The following ZNF100 variants were observed in gnomAD, a reference collection of about 807,000 sequenced individuals.
ZNF100 encodes zinc finger protein 100, also known as zinc finger protein 100 (Y1).
A neutral mutation model predicts 15.8 loss-of-function variants in ZNF100; 12 were observed. The observed-to-expected ratio is 0.76, with a 90% CI of 0.49 to 1.23. The LOEUF (loss-of-function observed/expected upper bound fraction) is 1.23, where lower values mean the gene tolerates loss of function less well. ZNF100 is among the 50% of genes most tolerant of loss of function. ZNF100 has a pLI of 0.00. For synonymous variants in ZNF100, 226 were observed against 214.8 expected (o/e 1.05, Z -0.45); for missense variants, 670 against 635.6 (o/e 1.05, Z -0.58).
At chr19:21,750,729 C>A (rs1023868236) in intron 2 of ZNF100, 13 of 304,532 alleles carry the variant, frequency 4.3e-5, no homozygotes, top group Middle Eastern at 8.5e-4. Flanking sequence ...GAGGAGGCAC[C>A]TGCTTGCGCG....
In ZNF100 at chr19:21,727,916, CAG is replaced by C. The variant is rs772784914; in HGVS notation, c.394_395del (p.Leu132GlufsTer9). The C allele has an allele frequency of 7.5e-6, 12 of 1,596,794 alleles. No individual in the cohort carries two copies. The highest frequency in any genetic ancestry group is 1.0e-5 in the Non-Finnish European group (12 of 1,173,542). On this transcript the variant is annotated frameshift_variant, in exon 5 of 5. Coordinates refer to ENST00000358296, the MANE Select transcript of ZNF100 (RefSeq NM_173531.4). LOFTEE classifies it low-confidence loss of function (END_TRUNC). ...DIKDSFQEAILKKYGKYGHDN... is the reference protein window; with the variant it reads ...DIKDSFQEAIXKKYGKYGHDN... ...CATGTCCATATTTTCCATATTTTTT[CAG>C]AATCGCTTCTTGAAAAGAATCTTTA...
At chr19:21,744,225 C>T (rs1018338783) in intron 3 of ZNF100, 110 bp from the exon 4 acceptor site, 22 of 998,628 alleles carry the variant, frequency 2.2e-5, no homozygotes, top group Middle Eastern at 4.6e-4. Flanking sequence ...TTAATCCTAA[C>T]GTACTAATTA....
chr19:21,758,270 G>C (rs1045205710), intron 2 of ZNF100, among the ~76,000 whole-genome samples: 4 of 152,066 alleles, frequency 2.6e-5, no homozygotes, highest in Non-Finnish European at 5.9e-5. Context: ...ACGGGGCCTA[G>C]CTGAGAATGG....
chr19:21,735,500 C>CAAA lies in ZNF100; in HGVS notation c.323-7514_323-7512dup, dbSNP rs35742501. Reference sequence around the variant, plus strand: ...TGGGCGACCGTGTAAGACTCTGTCTCAAAAAAAAAAAAAAAAAAAAAGGCA... The same window carrying CAAA: ...TGGGCGACCGTGTAAGACTCTGTCTCAAAAAAAAAAAAAAAAAAAAAAAAGGCA... On this transcript the variant is annotated intron_variant, in intron 4 of 4. Coordinates refer to ENST00000358296, the MANE Select transcript of ZNF100 (RefSeq NM_173531.4). 5.5e-4 allele frequency among the ~76,000 whole-genome samples: 45 copies of CAAA among 82,182 alleles called. 1 individual carries two copies. Among genetic ancestry groups the CAAA allele is most frequent in the African/African-American group, 1.6e-3 (35 of 21,518 alleles). 53.9% of individuals were successfully genotyped at this position (82,182 alleles called of 152,430 possible). A position where few individuals can be genotyped will look rare whatever the true frequency, so the allele number is the denominator to read the frequency against.
At chr19:21,736,098 A>C (rs1192152604) in intron 4 of ZNF100, among the ~76,000 whole-genome samples, 2 of 148,324 alleles carry the variant, frequency 1.3e-5, no homozygotes, top group African/African-American at 2.5e-5. Flanking sequence ...TTATTGATTT[A>C]TTTTTTTGAG....
rs1384193067 is a variant in ZNF100, at chr19:21,744,088, A to G, written c.251T>C (p.Leu84Pro). The G allele has an allele frequency of 6.2e-7, 1 of 1,610,618 alleles. No homozygotes were observed. The highest frequency in any genetic ancestry group is 8.5e-7 in the Non-Finnish European group (1 of 1,179,112). The change falls in exon 4 of 5, where the codon CTG (leucine) becomes CCG (proline). Residue 84 changes from leucine to proline, a missense_variant. Transcript: ENST00000358296. Reference sequence around the variant, plus strand: ...TTTTCCTTGCTCCAGACAGGTGATCAGGTCTGGCTTAGTGAGAGCAATACC... The same window carrying G: ...TTTTCCTTGCTCCAGACAGGTGATCGGGTCTGGCTTAGTGAGAGCAATACC... ...LAGIALTKPD[L>P]ITCLEQGKEP...
intron 2 of ZNF100, among the ~76,000 whole-genome samples, chr19:21,762,185 G>GA (rs200369696): frequency 2.1e-4 from 32 of 149,518 alleles, no homozygotes; most frequent in Non-Finnish European, 3.7e-4. Context: ...CTCAAAAAAA[G>GA]AAAAAAAAAT....
intron 2 of ZNF100, among the ~76,000 whole-genome samples, chr19:21,747,515 A>G (rs4808295): frequency 0.76 from 115,705 of 152,104 alleles, 45,234 homozygotes; most frequent in Non-Finnish European, 0.85. Flanking sequence ...GGGTTCATGA[A>G]TGGGTGTTTC....
intron 2 of ZNF100, chr19:21,751,700 C>G: frequency 8.3e-7 from 1 of 1,201,122 alleles, no homozygotes; most frequent in Non-Finnish European, 1.2e-6. Context: ...TATTAATGTT[C>G]CTGCTAGTGT....
At chr19:21,764,397 A>G (rs1461655553) in intron 2 of ZNF100, among the ~76,000 whole-genome samples, 1 of 152,118 alleles carries the variant, frequency 6.6e-6, no homozygotes, top group Non-Finnish European at 1.5e-5. Flanking sequence ...TAATTCCAGC[A>G]CTTCGGGAGG....
In ZNF100 at chr19:21,726,642, T is replaced by C; in HGVS notation, c.*41A>G. The C allele has an allele frequency of 6.5e-7, 1 of 1,543,120 alleles. No individual in the cohort carries two copies. Among genetic ancestry groups the C allele is most frequent in the Non-Finnish European group, 8.7e-7 (1 of 1,143,850 alleles). Reference sequence around the variant, plus strand: ...CCTCCAGTATGAATTTTTTTATGTTTAGTAAGAGTTGAGGACTGGTAAAAG... The same window carrying C: ...CCTCCAGTATGAATTTTTTTATGTTCAGTAAGAGTTGAGGACTGGTAAAAG... On this transcript the variant is annotated 3_prime_UTR_variant, in exon 5 of 5. Coordinates refer to ENST00000358296, the MANE Select transcript of ZNF100 (RefSeq NM_173531.4).
Position 21,744,956 on chromosome 19 carries a change from T to C in ZNF100, c.208A>G (p.Asn70Asp). 6.2e-7 allele frequency: 1 copy of C among 1,609,436 alleles called. No homozygotes were observed. The highest frequency in any genetic ancestry group is 2.2e-5 in the East Asian group (1 of 44,838). ...TTATTCTCACCCAAGAAGACCAGGT[T>C]TCTGTAGTTCTCTAACATCACTTTC... The part of the protein sequence containing the change: ...YRKVMLENYR[N>D]LVFLAGIALT... Residue 70 changes from asparagine (N) to aspartate (D), a missense_variant, in exon 3 of 5, where the codon AAC becomes GAC. Asn to Asp is a conservative substitution (Grantham distance 23). Coordinates refer to ENST00000358296, the MANE Select transcript of ZNF100 (RefSeq NM_173531.4).
rs751092854 is a variant in ZNF100 at position 21,727,540 on chromosome 19, C to T, written c.772G>A (p.Glu258Lys). 5 of 1,613,762 alleles carry T rather than the reference C, an allele frequency of 3.1e-6. No homozygotes were observed. In the African/African-American group the frequency reaches 6.7e-5, roughly 22 times the overall value. Reference protein sequence around the residue: ...LTTHRRIHTGEKPYKCEECGK... With the variant: ...LTTHRRIHTGKKPYKCEECGK... The stretch of plus-strand genomic sequence containing the variant: ...CATTCTTCACATTTGTAGGGTTTCT[C>T]TCCAGTATGAATTCTCCTGTGTGTA... Residue 258 changes from glutamate (E) to lysine (K), a missense_variant, in exon 5 of 5, where the codon GAG (glutamate) becomes AAG (lysine). Transcript: ENST00000358296.
intron 2 of ZNF100, chr19:21,750,700 G>T: frequency 3.7e-6 from 1 of 268,690 alleles, no homozygotes. Flanking sequence ...GTCGCGGGGT[G>T]GGCGGGTGAA....
intron 2 of ZNF100, among the ~76,000 whole-genome samples, chr19:21,763,792 TTCTC>T (rs2036518625): frequency 6.6e-6 from 1 of 152,178 alleles, no homozygotes; most frequent in Non-Finnish European, 1.5e-5. Flanking sequence ...CCTTCCCACC[TTCTC>T]TCTAATCTTT....
rs765082902 is a variant in ZNF100 at position 21,767,414 on chromosome 19, C to T, written c.3+13G>A. ...TTCGCCGTCTCTCGGGATGTCGGAC[C>T]GGGCACTCTCACCATTTCTAGGCTT... On this transcript the variant is annotated intron_variant, in intron 1 of 4. Transcript: ENST00000358296. 3 of 1,608,930 alleles carry T rather than the reference C, an allele frequency of 1.9e-6. No individual in the cohort carries two copies. The highest frequency in any genetic ancestry group is 1.3e-5 in the African/African-American group (1 of 74,866).
intron 4 of ZNF100, among the ~76,000 whole-genome samples, chr19:21,740,192 T>A (rs1159842887): frequency 6.6e-6 from 1 of 152,172 alleles, no homozygotes; most frequent in African/African-American, 2.4e-5. Context: ...GATTAAATGA[T>A]CTTCCACAAA....
In ZNF100 at chr19:21,727,746, A is replaced by C; in HGVS notation, c.566T>G (p.Phe189Cys). ...TATCTTATGTCTGTTTGAATTTGAA[A>C]ATGTATGAAAGACTTTTGCAGATGG... ...CDPSAKVFHT[F>C]SNSNRHKIRH... Residue 189 changes from phenylalanine (F) to cysteine (C), a missense_variant, in exon 5 of 5, where the codon TTT becomes TGT. By Grantham distance (205) the Phe-to-Cys change is radical. Transcript: ENST00000358296. 1 of 1,613,902 alleles carries C rather than the reference A, an allele frequency of 6.2e-7. No homozygotes were observed. The highest frequency in any genetic ancestry group is 1.7e-5 in the Admixed American group (1 of 60,024).
intron 1 of ZNF100, 70 bp from the exon 2 acceptor site, chr19:21,765,856 C>A: frequency 6.8e-7 from 1 of 1,474,222 alleles, no homozygotes; most frequent in Non-Finnish European, 9.5e-7. Flanking sequence ...TGGCGGATAT[C>A]TCGGTTTATC....
Sources: gnomAD v4.1 joint callset for allele counts (sites outside exome capture counted in the v4.1 genomes callset) on GRCh38, gnomAD v4.1.1 for gene constraint, MANE v1.5 for transcripts, NCBI Gene and HGNC (gene_info 2026-07-23, HGNC 2026-07-21) for gene names.